Variants in ARID1B observed in about 807,000 individuals in gnomAD.
ARID1B encodes the protein AT-rich interaction domain 1B, also known as AT-rich interactive domain-containing protein 1B.
Under a neutral mutation model 212.3 loss-of-function variants are expected in ARID1B, and 30 were observed. The observed-to-expected ratio is 0.14, with a 90% CI of 0.11 to 0.19. The LOEUF is 0.19. Among genes scored for constraint, ARID1B ranks in the 10% least tolerant of loss-of-function variants. The probability of loss-of-function intolerance (pLI) is 1.00; values close to 1 mark genes in which losing one functional copy is unlikely to be tolerated. For missense variants in ARID1B, 2,891 were observed against 3,204.0 expected (o/e 0.90, Z 2.36); for synonymous variants, 1,402 against 1,301.7 (o/e 1.08, Z -1.66).
intron 1 of ARID1B, among the ~76,000 whole-genome samples, chr6:156,798,113 G>C (rs986731738): frequency 3.3e-5 from 5 of 152,280 alleles, no homozygotes; most frequent in Non-Finnish European, 7.3e-5. Context: ...GCTCTGGACA[G>C]CTGGAAGAGG....
At chr6:156,796,671 G>C (rs1381067506) in intron 1 of ARID1B, among the ~76,000 whole-genome samples, 9 of 152,196 alleles carry the variant, frequency 5.9e-5, no homozygotes, top group Admixed American at 5.9e-4. Flanking sequence ...TGTTGGAGAA[G>C]AATCAAGCCA....
chr6:156,939,918 C>G (rs1009351949), intron 4 of ARID1B: 3 of 151,968 alleles, frequency 2.0e-5, no homozygotes, highest in African/African-American at 7.3e-5. Context: ...ATAAAATATT[C>G]GTAAACATGT....
At chr6:156,890,632 C>T (rs1194769495) in intron 2 of ARID1B, among the ~76,000 whole-genome samples, 1 of 152,186 alleles carries the variant, frequency 6.6e-6, no homozygotes. Flanking sequence ...GAGCCATGGA[C>T]CCAGCTTGTG....
chr6:157,035,198 A>G (rs1041967133), intron 4 of ARID1B, among the ~76,000 whole-genome samples: 1 of 152,242 alleles, frequency 6.6e-6, no homozygotes, highest in African/African-American at 2.4e-5. Flanking sequence ...AATATGATAA[A>G]ATATGCAGAA....
At chr6:156,799,851 C>T (rs1780657346) in intron 1 of ARID1B, among the ~76,000 whole-genome samples, 3 of 152,106 alleles carry the variant, frequency 2.0e-5, no homozygotes, top group Admixed American at 1.3e-4. Context: ...AAGAGGATAC[C>T]ATTTGGTTAG....
chr6:156,883,668 C>G (rs977173785), intron 2 of ARID1B, among the ~76,000 whole-genome samples: 4 of 152,148 alleles, frequency 2.6e-5, no homozygotes, highest in African/African-American at 9.7e-5. Flanking sequence ...ACTGTCACCT[C>G]GTCTCACTCC....
intron 2 of ARID1B, among the ~76,000 whole-genome samples, chr6:156,864,581 G>A (rs1293387736): frequency 3.3e-5 from 5 of 152,146 alleles, no homozygotes; most frequent in Admixed American, 6.5e-5. Context: ...GGTACTGCCC[G>A]CCTTAGCCCA....
intron 3 of ARID1B, among the ~76,000 whole-genome samples, chr6:156,921,441 ACACAC>A (rs1790780526): frequency 9.2e-3 from 4 of 436 alleles, no homozygotes; most frequent in East Asian, 0.034. Context: ...ATGGGAAAAC[ACACAC>A]ACACACACAC....
At chr6:157,013,976 T>C (rs1353158292) in intron 4 of ARID1B, among the ~76,000 whole-genome samples, 1 of 152,248 alleles carries the variant, frequency 6.6e-6, no homozygotes, top group Non-Finnish European at 1.5e-5. Context: ...AAATTTTTGA[T>C]GACATTATTG....
intron 4 of ARID1B, among the ~76,000 whole-genome samples, chr6:157,045,059 CAG>C (rs1782140409): frequency 1.3e-5 from 2 of 152,042 alleles, no homozygotes; most frequent in African/African-American, 2.4e-5. Flanking sequence ...TAGTAGAAAA[CAG>C]AAGGAATTTG....
intron 11 of ARID1B, among the ~76,000 whole-genome samples, chr6:157,178,709 C>G (rs909744929): frequency 4.8e-5 from 7 of 145,492 alleles, no homozygotes; most frequent in Admixed American, 3.3e-4. Context: ...GAGATAGGCA[C>G]AAGTTAATTA....
intron 3 of ARID1B, among the ~76,000 whole-genome samples, chr6:156,906,697 T>C (rs1290280277): frequency 6.6e-6 from 1 of 152,040 alleles, no homozygotes. Context: ...GTCCGCTGGC[T>C]CTTCTGCCTG....
chr6:156,929,815 T>G (rs946242519), intron 3 of ARID1B, among the ~76,000 whole-genome samples: 2 of 152,194 alleles, frequency 1.3e-5, no homozygotes, highest in Admixed American at 6.5e-5. Flanking sequence ...GACCTCTTAC[T>G]AGGTGCCATT....
chr6:157,003,641 T>G (rs1232507758), intron 4 of ARID1B, among the ~76,000 whole-genome samples: 1 of 152,222 alleles, frequency 6.6e-6, no homozygotes, highest in African/African-American at 2.4e-5. Flanking sequence ...ATGGACTACT[T>G]ACAGTGAAGT....
chr6:156,787,794 T>A (rs764129862), intron 1 of ARID1B, among the ~76,000 whole-genome samples: 2 of 152,070 alleles, frequency 1.3e-5, no homozygotes, highest in African/African-American at 4.8e-5. Context: ...GCGAATAAGC[T>A]TCTATGATGA....
chr6:156,803,420 T>A (rs1780926274), intron 1 of ARID1B, among the ~76,000 whole-genome samples: 1 of 152,202 alleles, frequency 6.6e-6, no homozygotes, highest in South Asian at 2.1e-4. Context: ...TTTCCTTTCC[T>A]TTCGTTTCAG....
chr6:157,041,885 G>A (rs570336820), intron 4 of ARID1B, among the ~76,000 whole-genome samples: 2 of 152,080 alleles, frequency 1.3e-5, no homozygotes, highest in Non-Finnish European at 2.9e-5. Flanking sequence ...GGTCCCCAAC[G>A]ACACACCCAG....
intron 1 of ARID1B, among the ~76,000 whole-genome samples, chr6:156,788,559 G>A (rs1327964954): frequency 6.6e-6 from 1 of 152,134 alleles, no homozygotes; most frequent in Non-Finnish European, 1.5e-5. Context: ...GCAAAGGAAC[G>A]AAGTTGCAAA....
chr6:157,074,928 C>T (rs988939620), intron 4 of ARID1B, among the ~76,000 whole-genome samples: 1 of 152,150 alleles, frequency 6.6e-6, no homozygotes, highest in African/African-American at 2.4e-5. Context: ...GTCCAGTGCT[C>T]ATTCAAGTCC....
Sources: gnomAD v4.1 joint callset for allele counts (sites outside exome capture counted in the v4.1 genomes callset) on GRCh38, gnomAD v4.1.1 for gene constraint, MANE v1.5 for transcripts, NCBI Gene and HGNC (gene_info 2026-07-23, HGNC 2026-07-21) for gene names.